The following COP1 variants were observed in gnomAD, a reference collection of about 807,000 sequenced individuals.
COP1 encodes E3 ubiquitin-protein ligase COP1.
A neutral mutation model predicts 101.3 loss-of-function variants in COP1; 24 were observed. The ratio of observed to expected loss-of-function variants is 0.24; its 90% CI spans 0.17 to 0.33. The LOEUF (loss-of-function observed/expected upper bound fraction) is 0.33, where lower values mean the gene tolerates loss of function less well. Ranked by LOEUF, COP1 falls within the 10% of genes least tolerant of loss-of-function variation. The pLI, the probability that COP1 is intolerant of heterozygous loss-of-function variation, is 1.00. For missense variants in COP1, 663 were observed against 906.2 expected, an observed-to-expected ratio of 0.73 and a Z score of 3.45; for synonymous variants, 347 against 341.9, an observed-to-expected ratio of 1.01 and a Z score of -0.17.
intron 15 of COP1, among the ~76,000 whole-genome samples, chr1:175,990,128 A>G (rs1346355499): frequency 6.6e-6 from 1 of 151,984 alleles, no homozygotes; most frequent in Non-Finnish European, 1.5e-5. Context: ...TGATACCACA[A>G]ATTGTGATAT....
At chr1:176,151,181 C>T (rs1273114312) in intron 5 of COP1, among the ~76,000 whole-genome samples, 3 of 150,540 alleles carry the variant, frequency 2.0e-5, no homozygotes, top group African/African-American at 7.3e-5. Flanking sequence ...ATCATTTAGC[C>T]CAATTCTCCC....
chr1:176,147,031 C>T (rs1269904909), intron 6 of COP1, among the ~76,000 whole-genome samples: 1 of 152,132 alleles, frequency 6.6e-6, no homozygotes, highest in Non-Finnish European at 1.5e-5. Context: ...AAACTACACT[C>T]AACAGAACTC....
rs78847486 is a variant in COP1, at chr1:176,085,010, G to C, written c.1141+766C>G. Reference sequence around the variant, plus strand: ...GTTAATGTCTCTACTTCATAGATGAGCAAAGACACTGAGAAAGACTGAAGA... The same window carrying C: ...GTTAATGTCTCTACTTCATAGATGACCAAAGACACTGAGAAAGACTGAAGA... On this transcript the variant is annotated intron_variant, in intron 10 of 19. Transcript: ENST00000367669. Among the ~76,000 whole-genome samples the C allele has an allele frequency of 4.9e-3, 749 of 152,166 alleles. 8 individuals are homozygous for C. Among genetic ancestry groups the C allele is most frequent in the Non-Finnish European group, 8.3e-3 (562 of 67,978 alleles).
intron 1 of COP1, among the ~76,000 whole-genome samples, chr1:176,204,450 G>C (rs1441877651): frequency 1.3e-5 from 2 of 151,766 alleles, no homozygotes; most frequent in Non-Finnish European, 2.9e-5. Context: ...GCCAAACGGG[G>C]GGAAAAAAAA....
chr1:176,133,154 A>C (rs144501650), intron 8 of COP1, among the ~76,000 whole-genome samples: 2 of 136,966 alleles, frequency 1.5e-5, no homozygotes, highest in Non-Finnish European at 3.3e-5. Context: ...ATATACGTAC[A>C]TATATATACG....
chr1:176,045,644 G>T (rs1250263503), intron 12 of COP1, among the ~76,000 whole-genome samples: 1 of 150,594 alleles, frequency 6.6e-6, no homozygotes, highest in African/African-American at 2.4e-5. Context: ...AGCAGATCAG[G>T]AGTAGAGTCT....
intron 18 of COP1, among the ~76,000 whole-genome samples, chr1:175,961,695 CAAAA>C (rs3034815): frequency 5.8e-5 from 4 of 69,416 alleles, no homozygotes; most frequent in Non-Finnish European, 5.4e-5. Flanking sequence ...GACCCTGTCT[CAAAA>C]AAAAAAAAAA....
chr1:175,959,587 TAAG>T (rs1651080795), intron 18 of COP1, among the ~76,000 whole-genome samples: 2 of 152,104 alleles, frequency 1.3e-5, no homozygotes, highest in African/African-American at 4.8e-5. Flanking sequence ...TTAAAATTAA[TAAG>T]AGAGTTTAGC....
At chr1:176,205,334 C>A (rs778473622) in intron 1 of COP1, among the ~76,000 whole-genome samples, 33 of 152,136 alleles carry the variant, frequency 2.2e-4, no homozygotes, top group Non-Finnish European at 4.0e-4. Context: ...CAGATTAATT[C>A]TGATAAAGAA....
chr1:176,150,640 G>C (rs899648880), intron 5 of COP1, among the ~76,000 whole-genome samples: 1 of 152,164 alleles, frequency 6.6e-6, no homozygotes, highest in Non-Finnish European at 1.5e-5. Context: ...TATACAAAAA[G>C]TAACTCCAAG....
intron 1 of COP1, among the ~76,000 whole-genome samples, chr1:176,197,408 C>T (rs1281611444): frequency 6.6e-6 from 1 of 152,022 alleles, no homozygotes; most frequent in Non-Finnish European, 1.5e-5. Flanking sequence ...ACAGCAAGAC[C>T]ACCTCTTTTG....
At position 176,206,914 on chromosome 1, in the gene COP1, G is replaced by A. The variant is rs982005070; in HGVS notation, c.65C>T (p.Ser22Phe). The A allele has an allele frequency of 4.8e-6, 7 of 1,463,664 alleles. No individual in the cohort carries two copies. In the African/African-American group the frequency reaches 8.8e-5, roughly 18 times the overall value. The allele number at this position is 1,463,664 out of a possible 1,614,324, so 90.7% of individuals were successfully genotyped here. ...AGTSPGSSAA[S>F]SVTSASSSLS... is the part of the protein sequence containing the mutation. Reference sequence around the variant, plus strand: ...AGACGAGGAGGCGGAAGTCACCGAGGAGGCCGCCGAGGACCCGGGGCTTGT... The same window carrying A: ...AGACGAGGAGGCGGAAGTCACCGAGAAGGCCGCCGAGGACCCGGGGCTTGT... Residue 22 changes from serine (S) to phenylalanine (F), a missense_variant, in exon 1 of 20, where the codon TCC (serine) becomes TTC (phenylalanine). Ser to Phe is a radical substitution (Grantham distance 155, BLOSUM62 -2). Around this residue, in one of 4 missense-constraint regions of COP1, gnomAD observed 204 missense variants for 203.6 expected, o/e 1.00. Coordinates refer to ENST00000367669, the MANE Select transcript of COP1 (RefSeq NM_022457.7).
At chr1:176,202,793 A>G (rs1700405416) in intron 1 of COP1, among the ~76,000 whole-genome samples, 1 of 152,134 alleles carries the variant, frequency 6.6e-6, no homozygotes, top group Non-Finnish European at 1.5e-5. Flanking sequence ...AGTCCATTAG[A>G]GTATTTAACA....
At chr1:176,020,433 C>T (rs935290268) in intron 15 of COP1, among the ~76,000 whole-genome samples, 5 of 151,866 alleles carry the variant, frequency 3.3e-5, no homozygotes, top group African/African-American at 1.2e-4. Flanking sequence ...CACACCAGCA[C>T]TTTGGGAGGC....
At chr1:176,070,374 C>T (rs1015799446) in intron 11 of COP1, among the ~76,000 whole-genome samples, 27 of 143,678 alleles carry the variant, frequency 1.9e-4, no homozygotes, top group East Asian at 4.2e-4. Flanking sequence ...AAATTAAAAA[C>T]TCTGCCAGCC....
intron 11 of COP1, among the ~76,000 whole-genome samples, chr1:176,073,072 T>G (rs1449457538): frequency 1.3e-5 from 2 of 152,178 alleles, no homozygotes. Flanking sequence ...ATTATTGGCA[T>G]TAGGTTTATC....
At chr1:176,011,589 A>C (rs1252030356) in intron 15 of COP1, among the ~76,000 whole-genome samples, 1 of 152,224 alleles carries the variant, frequency 6.6e-6, no homozygotes, top group African/African-American at 2.4e-5. Context: ...TTTCTAGACA[A>C]TGTGAGATTC....
intron 15 of COP1, among the ~76,000 whole-genome samples, chr1:176,000,803 T>C (rs1661420550): frequency 6.6e-6 from 1 of 152,090 alleles, no homozygotes; most frequent in Non-Finnish European, 1.5e-5. Context: ...AGATATTTTC[T>C]AGTGTATCAT....
chr1:176,055,199 C>T (rs373330929), intron 11 of COP1, among the ~76,000 whole-genome samples: 2 of 152,200 alleles, frequency 1.3e-5, no homozygotes, highest in South Asian at 2.1e-4. Context: ...TTCGGGAGGC[C>T]GAGACAGGTG....
Sources: allele counts gnomAD v4.1 joint callset (sites outside exome capture counted in the v4.1 genomes callset), GRCh38; gene constraint gnomAD v4.1.1; regional missense constraint gnomAD v4.1.1; transcripts MANE v1.5; gene names NCBI Gene and HGNC (gene_info 2026-07-23, HGNC 2026-07-21).